XPO1: variants seen among roughly 807,000 people sequenced by gnomAD.
XPO1 encodes the protein exportin-1.
XPO1 carries 5 observed loss-of-function variants against 133.3 expected under a neutral mutation model. The ratio of observed to expected loss-of-function variants is 0.04; its 90% CI spans 0.02 to 0.08. The LOEUF (loss-of-function observed/expected upper bound fraction) is 0.08, where lower values mean the gene tolerates loss of function less well. Ranked by LOEUF, XPO1 falls within the 10% of genes least tolerant of loss-of-function variation. The pLI is 1.00. For synonymous variants in XPO1, 419 were observed against 408.2 expected (o/e 1.03, Z -0.32); for missense variants, 506 against 1,267.5 (o/e 0.40, Z 9.12).
At position 61,481,182 on chromosome 2, in the gene XPO1, T is replaced by C. The variant is rs1282908983; in HGVS notation, c.3069+3A>G. 6.3e-7 allele frequency: 1 copy of C among 1,593,706 alleles called. No individual in the cohort carries two copies. Among genetic ancestry groups the C allele is most frequent in the East Asian group, 2.3e-5 (1 of 44,212 alleles). ...ATTTCTGCAAGAGCAAATAAATACATACCTTTATTTGAACTAGGAAATCTC... is the reference window on the plus strand; with the variant it reads ...ATTTCTGCAAGAGCAAATAAATACACACCTTTATTTGAACTAGGAAATCTC... On this transcript the variant is annotated splice_donor_region_variant and intron_variant, in intron 24 of 24. Coordinates refer to ENST00000401558, the MANE Select transcript of XPO1 (RefSeq NM_003400.4).
intron 2 of XPO1, among the ~76,000 whole-genome samples, chr2:61,527,916 ATTCCTTTT>A (rs1184464983): frequency 1.3e-5 from 2 of 150,276 alleles, no homozygotes; most frequent in African/African-American, 4.9e-5. Context: ...TCCTTCCTTT[ATTCCTTTT>A]TTCTCTCTTT....
rs1696426343 is a variant in XPO1 at position 61,482,315 on chromosome 2, G to A, written c.2972+65C>T. On this transcript the variant is annotated intron_variant, in intron 23 of 24. Transcript: ENST00000401558. The stretch of plus-strand genomic sequence containing the variant: ...CACCTTAGGCTTCCCAAAGTGCTGG[G>A]ATTACAGGTGTGAGCCACTGTGCCC... The A allele has an allele frequency of 2.1e-6, 3 of 1,449,712 alleles. No homozygotes were observed. The South Asian group carries it at 4.2e-5, about 20-fold the overall frequency. The allele number at this position is 1,449,712 out of a possible 1,614,324, so 89.8% of individuals were successfully genotyped here. A position where few individuals can be genotyped will look rare whatever the true frequency, so the allele number is the denominator to read the frequency against.
chr2:61,494,733 G>T (rs886086003), intron 11 of XPO1: 1 of 150,832 alleles, frequency 6.6e-6, no homozygotes, highest in East Asian at 1.9e-4. Flanking sequence ...GTATAACATT[G>T]TATATATACT....
chr2:61,489,616 G>A (rs1696869376), intron 17 of XPO1, among the ~76,000 whole-genome samples: 2 of 150,318 alleles, frequency 1.3e-5, no homozygotes, highest in African/African-American at 2.4e-5. Context: ...GTGCAGCGGC[G>A]TGATCTCGGC....
intron 3 of XPO1, chr2:61,526,033 G>T (rs1698893620): frequency 9.3e-7 from 1 of 1,070,846 alleles, no homozygotes; most frequent in South Asian, 4.3e-5. Flanking sequence ...AGGGTTTTAA[G>T]CTGTCCACAC....
chr2:61,519,027 T>C (rs1266057077), intron 4 of XPO1, among the ~76,000 whole-genome samples: 1 of 152,180 alleles, frequency 6.6e-6, no homozygotes, highest in African/African-American at 2.4e-5. Flanking sequence ...CTCAGCTCAC[T>C]GCAACCTCCG....
chr2:61,501,344 T>TGGAAATCAATTAGAAGGACGA (rs751561266), intron 6 of XPO1, among the ~76,000 whole-genome samples: 1 of 151,912 alleles, frequency 6.6e-6, no homozygotes, highest in Non-Finnish European at 1.5e-5. Context: ...GGACTAAGCA[T>TGGAAATCAATTAGAAGGACGA]GGAAATCAAT....
intron 3 of XPO1, among the ~76,000 whole-genome samples, chr2:61,524,138 T>A (rs1350007813): frequency 6.6e-6 from 1 of 152,168 alleles, no homozygotes; most frequent in Non-Finnish European, 1.5e-5. Context: ...TCTTTAATTT[T>A]ATAGGCACAA....
At chr2:61,486,029 G>T in intron 19 of XPO1, 67 bp from the exon 20 acceptor site, 1 of 1,385,426 alleles carries the variant, frequency 7.2e-7, no homozygotes, top group East Asian at 2.5e-5. Flanking sequence ...AAACAACAAG[G>T]TTATTCCTGT....
chr2:61,482,887 T>G, intron 22 of XPO1, 70 bp downstream of exon 22: 3 of 1,582,344 alleles, frequency 1.9e-6, no homozygotes, highest in Non-Finnish European at 1.7e-6. Context: ...CCTCCCAAAG[T>G]GCTGGGATTA....
At chr2:61,500,555 G>C (rs1697455543) in intron 6 of XPO1, among the ~76,000 whole-genome samples, 1 of 125,760 alleles carries the variant, frequency 8.0e-6, no homozygotes, top group South Asian at 2.7e-4. Flanking sequence ...CTCAAGGCTG[G>C]GCAACAGGAT....
chr2:61,532,278 C>T (rs1243403796), intron 2 of XPO1, among the ~76,000 whole-genome samples: 1 of 151,980 alleles, frequency 6.6e-6, no homozygotes, highest in Non-Finnish European at 1.5e-5. Flanking sequence ...CAGGCGCCCG[C>T]CACCACGCCT....
intron 4 of XPO1, among the ~76,000 whole-genome samples, chr2:61,515,584 A>T (rs1573190818): frequency 6.6e-6 from 1 of 152,340 alleles, no homozygotes; most frequent in East Asian, 1.9e-4. Context: ...CTTCCTATAC[A>T]TTAGCTCTAA....
At chr2:61,534,987 G>A (rs377379295) in intron 1 of XPO1, among the ~76,000 whole-genome samples, 1 of 152,122 alleles carries the variant, frequency 6.6e-6, no homozygotes, top group African/African-American at 2.4e-5. Flanking sequence ...TCATTGGCAA[G>A]GTAAAAGCTG....
Position 61,492,834 on chromosome 2 carries a change from CTACAAG to C in XPO1, c.1384+75_1384+80del, listed in dbSNP as rs775390171. ...AATACATTTAGAAAATATTTAGAAA[CTACAAG>C]TACATTTCCTAAAATGTATTTCCAC... On this transcript the variant is annotated intron_variant, in intron 13 of 24. Coordinates refer to ENST00000401558, the MANE Select transcript of XPO1 (RefSeq NM_003400.4). This position sits in a 1 kb window ranked among gnomAD's most constrained non-coding sequence, Gnocchi z 5.6. 124 of 1,557,110 alleles carry C rather than the reference CTACAAG, an allele frequency of 8.0e-5. No individual in the cohort carries two copies. The highest frequency in any genetic ancestry group is 3.4e-4 in the Middle Eastern group (2 of 5,824).
chr2:61,487,131 C>T (rs963321950), intron 19 of XPO1, among the ~76,000 whole-genome samples: 4 of 151,998 alleles, frequency 2.6e-5, no homozygotes, highest in Non-Finnish European at 5.9e-5. Context: ...CCACCCGCCT[C>T]GGCCTCCCAA....
intron 10 of XPO1, 113 bp downstream of exon 10, chr2:61,496,762 TAAAC>T (rs1360198304): frequency 5.9e-5 from 70 of 1,194,120 alleles, no homozygotes; most frequent in South Asian, 1.7e-4. Flanking sequence ...TTTTATGTAA[TAAAC>T]AAAAGATTAT....
At chr2:61,528,050 C>A (rs1392592694) in intron 2 of XPO1, among the ~76,000 whole-genome samples, 2 of 151,802 alleles carry the variant, frequency 1.3e-5, no homozygotes, top group Non-Finnish European at 1.5e-5. Context: ...CCTCAGCCTC[C>A]CAAGTAGCTG....
chr2:61,481,404 G>C, intron 23 of XPO1, 123 bp from the exon 24 acceptor site: 1 of 485,334 alleles, frequency 2.1e-6, no homozygotes, highest in Non-Finnish European at 3.5e-6. Context: ...TGCCTCCCGG[G>C]TTCAAGACAT....
Sources: allele counts gnomAD v4.1 joint callset (sites outside exome capture counted in the v4.1 genomes callset), GRCh38; gene constraint gnomAD v4.1.1; non-coding constraint Gnocchi (gnomAD v3.1); transcripts MANE v1.5; gene names NCBI Gene and HGNC (gene_info 2026-07-23, HGNC 2026-07-21).